Variants in CDYL observed in about 807,000 individuals in gnomAD.
CDYL encodes the protein chromodomain Y-like protein.
In CDYL, 8 loss-of-function variants were observed where a neutral mutation model predicts 47.3. The observed-to-expected ratio is 0.17, with a 90% CI of 0.10 to 0.31. The LOEUF is 0.31. CDYL is among the 10% of genes least tolerant of loss of function. The pLI is 1.00. For missense variants in CDYL, 471 were observed against 701.4 expected, an observed-to-expected ratio of 0.67 and a Z score of 3.71; for synonymous variants, 266 against 265.0, an observed-to-expected ratio of 1.00 and a Z score of -0.04.
At chr6:4,764,126 C>A (rs1758216517) in intron 3 of CDYL, among the ~76,000 whole-genome samples, 1 of 151,900 alleles carries the variant, frequency 6.6e-6, no homozygotes, top group South Asian at 2.1e-4. Context: ...GACTAAATAT[C>A]CCAATTAAAA....
chr6:4,717,531 T>TA (rs34096281), intron 2 of CDYL, among the ~76,000 whole-genome samples: 31 of 148,300 alleles, frequency 2.1e-4, no homozygotes, highest in East Asian at 3.9e-4. Flanking sequence ...GCTCCATCTC[T>TA]AAAAAAAAAA....
At chr6:4,717,649 G>A (rs1757289940) in intron 2 of CDYL, among the ~76,000 whole-genome samples, 1 of 125,044 alleles carries the variant, frequency 8.0e-6, no homozygotes, top group Non-Finnish European at 1.6e-5. Flanking sequence ...CGGCTACAGT[G>A]AGCTATGATC....
At chr6:4,722,234 TGGG>T (rs1396351642) in intron 2 of CDYL, among the ~76,000 whole-genome samples, 1 of 150,058 alleles carries the variant, frequency 6.7e-6, no homozygotes, top group South Asian at 2.1e-4. Flanking sequence ...GGGAGGCCAA[TGGG>T]GGGAGGAACA....
intron 1 of CDYL, among the ~76,000 whole-genome samples, chr6:4,835,291 A>G (rs542917421): frequency 2.6e-5 from 4 of 152,282 alleles, no homozygotes; most frequent in Admixed American, 1.3e-4. Flanking sequence ...TTTCTAACAG[A>G]CAGGACCCTC....
intron 2 of CDYL, among the ~76,000 whole-genome samples, chr6:4,894,923 A>G (rs1199906399): frequency 2.8e-4 from 14 of 49,738 alleles, no homozygotes; most frequent in South Asian, 7.7e-4. Context: ...ATATATACAC[A>G]TATGTATGTG....
At chr6:4,820,853 G>A (rs7764676) in intron 1 of CDYL, among the ~76,000 whole-genome samples, 4,061 of 152,278 alleles carry the variant, frequency 0.027, 185 homozygotes, top group African/African-American at 0.092. Flanking sequence ...AGCCTGCAGC[G>A]TGCAGAAACA....
At chr6:4,816,884 A>G (rs1250503145) in intron 1 of CDYL, among the ~76,000 whole-genome samples, 2 of 152,172 alleles carry the variant, frequency 1.3e-5, no homozygotes, top group Non-Finnish European at 2.9e-5. Flanking sequence ...TTTAGCTGAG[A>G]CAGTATAAAA....
At chr6:4,725,026 C>G (rs1040031082) in intron 2 of CDYL, 2 of 152,146 alleles carry the variant, frequency 1.3e-5, no homozygotes, top group Admixed American at 6.6e-5. Flanking sequence ...TGATTGGTGC[C>G]TTTACAATCC....
intron 2 of CDYL, among the ~76,000 whole-genome samples, chr6:4,732,148 A>G (rs1389722495): frequency 3.9e-5 from 6 of 152,070 alleles, no homozygotes; most frequent in Non-Finnish European, 8.8e-5. Context: ...TGGCCTGGGC[A>G]ACATAGCAAG....
At chr6:4,844,952 A>G (rs1382601682) in intron 1 of CDYL, among the ~76,000 whole-genome samples, 1 of 152,178 alleles carries the variant, frequency 6.6e-6, no homozygotes, top group African/African-American at 2.4e-5. Flanking sequence ...ATTCTTTTGA[A>G]TCTTTTGCTA....
At chr6:4,742,777 T>C (rs969295331) in intron 3 of CDYL, among the ~76,000 whole-genome samples, 2 of 152,232 alleles carry the variant, frequency 1.3e-5, no homozygotes, top group African/African-American at 4.8e-5. Flanking sequence ...CAGGGGTTTT[T>C]CCTTGTCAGT....
At position 4,952,367 on chromosome 6, in the gene CDYL, A is replaced by G. The variant is rs1168179515; in HGVS notation, c.1434A>G (p.Glu478=). 3 of 1,614,066 alleles carry G rather than the reference A, an allele frequency of 1.9e-6. No individual in the cohort carries two copies. The highest frequency in any genetic ancestry group is 2.5e-6 in the Non-Finnish European group (3 of 1,180,054). ...TTTGGCCCGGGACGTTCACTCAGGA[A>G]GTGATGGTTCGCATTAAGGAGCTTG... The part of the protein sequence containing the change: ...QVFWPGTFTQ[E]VMVRIKELAS... Residue 478 remains glutamate, a synonymous_variant, in exon 6 of 7, where the codon GAA becomes GAG. Transcript: ENST00000397588.
At chr6:4,836,269 A>G in intron 1 of CDYL, 1 of 985,482 alleles carries the variant, frequency 1.0e-6, no homozygotes, top group Non-Finnish European at 1.2e-6. Flanking sequence ...ATGCTACCCA[A>G]AACTACATAA....
In CDYL at chr6:4,781,227, C is replaced by T. The variant is rs531807499; in HGVS notation, c.24+4420C>T. ...AAGGTAGGTCTTTTGAATCTTTCTT[C>T]CTACTTTGCGATAAGATTCCTGCTC... is the stretch of plus-strand genomic sequence containing the variant. On this transcript the variant is annotated intron_variant, in intron 1 of 6. Transcript: ENST00000397588. 2.0e-5 allele frequency among the ~76,000 whole-genome samples: 3 copies of T among 152,252 alleles called. No individual in the cohort carries two copies. The South Asian group carries it at 6.2e-4, about 32-fold the overall frequency.
At chr6:4,777,270 G>A (rs1279394172) in intron 1 of CDYL, among the ~76,000 whole-genome samples, 2 of 152,182 alleles carry the variant, frequency 1.3e-5, no homozygotes, top group Non-Finnish European at 2.9e-5. Context: ...TTTCGACTTT[G>A]CTGTTCGCCA....
At chr6:4,862,328 G>C (rs1453408819) in intron 1 of CDYL, among the ~76,000 whole-genome samples, 1 of 152,132 alleles carries the variant, frequency 6.6e-6, no homozygotes, top group Non-Finnish European at 1.5e-5. Context: ...TGAGGGGGTG[G>C]GATGAGTTAA....
intron 2 of CDYL, chr6:4,715,959 A>G: frequency 6.5e-7 from 1 of 1,543,752 alleles, no homozygotes; most frequent in Non-Finnish European, 8.7e-7. Flanking sequence ...TTTAAAAATG[A>G]TTTTACTGGC....
chr6:4,778,644 T>C (rs1265337), intron 1 of CDYL, among the ~76,000 whole-genome samples: 22,600 of 152,216 alleles, frequency 0.15, 3,834 homozygotes, highest in African/African-American at 0.41. Context: ...ACCTGCACAA[T>C]TGAACTTTTG....
At chr6:4,752,853 T>TGC (rs1415701439) in intron 3 of CDYL, among the ~76,000 whole-genome samples, 4 of 150,838 alleles carry the variant, frequency 2.7e-5, no homozygotes, top group Non-Finnish European at 5.9e-5. Flanking sequence ...TGTGTGTGTG[T>TGC]GTGTTTGTAG....
Sources: allele counts gnomAD v4.1 joint callset (sites outside exome capture counted in the v4.1 genomes callset), GRCh38; gene constraint gnomAD v4.1.1; transcripts MANE v1.5; gene names NCBI Gene and HGNC (gene_info 2026-07-23, HGNC 2026-07-21).